KDM2A: variants seen among roughly 807,000 people sequenced by gnomAD.
KDM2A encodes the protein lysine-specific demethylase 2A.
In KDM2A, 3 loss-of-function variants were observed where a neutral mutation model predicts 137.3. The observed-to-expected ratio is 0.02, with a 90% CI of 0.01 to 0.06. KDM2A has a LOEUF of 0.06. Among genes scored for constraint, KDM2A ranks in the 10% least tolerant of loss-of-function variants. The pLI is 1.00. For missense variants in KDM2A, 738 were observed against 1,510.6 expected, an observed-to-expected ratio of 0.49 and a Z score of 8.48; for synonymous variants, 512 against 541.5, an observed-to-expected ratio of 0.95 and a Z score of 0.76.
At chr11:67,194,043 T>A (rs916729817) in intron 5 of KDM2A, among the ~76,000 whole-genome samples, 5 of 152,218 alleles carry the variant, frequency 3.3e-5, no homozygotes, top group Non-Finnish European at 5.9e-5. Context: ...AAAGTTATTT[T>A]TAAAATTTAA....
At chr11:67,218,655 A>AG (rs1256563054) in intron 9 of KDM2A, among the ~76,000 whole-genome samples, 1 of 151,930 alleles carries the variant, frequency 6.6e-6, no homozygotes, top group East Asian at 1.9e-4. Flanking sequence ...CTCAGGCTGG[A>AG]GTGCAGTAGC....
intron 10 of KDM2A, 169 bp downstream of exon 10, chr11:67,219,572 TA>T: frequency 2.6e-6 from 1 of 387,606 alleles, no homozygotes; most frequent in Non-Finnish European, 4.6e-6. Context: ...TTTTTTTTTT[TA>T]AGGCAGAATC....
At chr11:67,228,309 A>T in intron 11 of KDM2A, 146 bp downstream of exon 11, 2 of 806,510 alleles carry the variant, frequency 2.5e-6, no homozygotes, top group Non-Finnish European at 3.9e-6. Flanking sequence ...GGAATTGAAT[A>T]CCAGTTACCT....
At chr11:67,177,261 G>C (rs568826233) in intron 2 of KDM2A, among the ~76,000 whole-genome samples, 1 of 151,936 alleles carries the variant, frequency 6.6e-6, no homozygotes, top group African/African-American at 2.4e-5. Context: ...GCAAGACTCC[G>C]TCTCAAAAAA....
intron 6 of KDM2A, among the ~76,000 whole-genome samples, chr11:67,212,387 C>T (rs937600339): frequency 6.6e-6 from 1 of 152,086 alleles, no homozygotes; most frequent in Non-Finnish European, 1.5e-5. Context: ...AAGTAGAGTT[C>T]TATGGTGAGA....
At chr11:67,253,150 C>T (rs563681826) in intron 18 of KDM2A, among the ~76,000 whole-genome samples, 2 of 152,312 alleles carry the variant, frequency 1.3e-5, no homozygotes, top group Admixed American at 6.5e-5. Context: ...AAATTTGAGT[C>T]AGATGTTACT....
intron 2 of KDM2A, among the ~76,000 whole-genome samples, chr11:67,161,767 C>CT (rs1212192300): frequency 2.0e-5 from 3 of 152,024 alleles, no homozygotes; most frequent in Admixed American, 2.0e-4. Context: ...TATTATTTGT[C>CT]TTTTTTGCTC....
intron 17 of KDM2A, 29 bp from the exon 18 acceptor site, chr11:67,252,665 A>C (rs1313043194): frequency 6.2e-7 from 1 of 1,613,340 alleles, no homozygotes; most frequent in East Asian, 2.2e-5. Context: ...CAAGTTAATG[A>C]AGGCGAGTTC....
intron 2 of KDM2A, among the ~76,000 whole-genome samples, chr11:67,123,164 C>T (rs568969320): frequency 4.0e-5 from 6 of 150,576 alleles, no homozygotes; most frequent in South Asian, 4.2e-4. Flanking sequence ...TTCTTAGTGA[C>T]GGGGTCTTGC....
In KDM2A at chr11:67,245,315, G is replaced by A. The variant is rs1258210930; in HGVS notation, c.1690G>A (p.Ala564Thr). ...TGCTGCCTCCCCGATTGTGTCAGGA[G>A]CCAGACGGAGACGAGTGCGATGTCG... ...PAAASPIVSG[A>T]RRRRVRCRKC... The change falls in exon 14 of 21, where the codon GCC becomes ACC. Residue 564 changes from alanine (A) to threonine (T), a missense_variant. By Grantham distance (58) the Ala-to-Thr change is moderately conservative (BLOSUM62 0). This residue lies in a region of KDM2A where 71 missense variants were observed against 147.9 expected (regional missense o/e 0.48). Coordinates refer to ENST00000529006, the MANE Select transcript of KDM2A (RefSeq NM_012308.3). The surrounding 1 kb of genome is among the most constrained non-coding windows in gnomAD (Gnocchi z 4.1). 6.2e-7 allele frequency: 1 copy of A among 1,614,058 alleles called. No homozygotes were observed. The highest frequency in any genetic ancestry group is 8.5e-7 in the Non-Finnish European group (1 of 1,179,912).
intron 10 of KDM2A, among the ~76,000 whole-genome samples, chr11:67,223,005 C>G (rs1858415573): frequency 6.6e-6 from 1 of 151,504 alleles, no homozygotes; most frequent in African/African-American, 2.4e-5. Flanking sequence ...CCAGCGTGAG[C>G]AACATGAAGA....
chr11:67,182,530 CTTTTTT>C (rs11297347), intron 5 of KDM2A, among the ~76,000 whole-genome samples: 3 of 88,256 alleles, frequency 3.4e-5, no homozygotes, highest in African/African-American at 3.9e-5. Flanking sequence ...TTGAATAAGT[CTTTTTT>C]TTTTTTTTTT....
chr11:67,245,020 A>G lies in KDM2A; in HGVS notation c.1564-169A>G. 1.4e-6 allele frequency: 1 copy of G among 722,320 alleles called. No homozygotes were observed. Among genetic ancestry groups the G allele is most frequent in the East Asian group, 2.5e-5 (1 of 39,520 alleles). 44.7% of individuals were successfully genotyped at this position (722,320 alleles called of 1,614,324 possible). A position where few individuals can be genotyped will look rare whatever the true frequency, so the allele number is the denominator to read the frequency against. ...AAAAAAAAGCAGCCATTGATAATAC[A>G]TACACAAGATGAGTTGTGTGTCAAT... On this transcript the variant is annotated intron_variant, in intron 13 of 20. Transcript: ENST00000529006. This position sits in a 1 kb window ranked among gnomAD's most constrained non-coding sequence, Gnocchi z 4.1.
intron 2 of KDM2A, among the ~76,000 whole-genome samples, chr11:67,164,864 G>A (rs1197209236): frequency 1.3e-5 from 2 of 152,050 alleles, no homozygotes; most frequent in Non-Finnish European, 2.9e-5. Context: ...CTCCCAAAGT[G>A]CCGGGATTAC....
chr11:67,239,977 T>G (rs1393817807), intron 12 of KDM2A: 1 of 1,120,036 alleles, frequency 8.9e-7, no homozygotes, highest in Admixed American at 4.0e-5. Flanking sequence ...CTCCCGGCTC[T>G]GCAGCAGAAC....
At chr11:67,171,282 A>G (rs4930414) in intron 2 of KDM2A, among the ~76,000 whole-genome samples, 5,923 of 152,272 alleles carry the variant, frequency 0.039, 458 homozygotes, top group Admixed American at 0.18. Context: ...GTTCCTAGTC[A>G]GGACAGACGA....
chr11:67,211,587 C>A, intron 6 of KDM2A, among the ~76,000 whole-genome samples: 1 of 114,802 alleles, frequency 8.7e-6, no homozygotes, highest in Non-Finnish European at 1.7e-5. Flanking sequence ...GCACTCCAGC[C>A]TGGGTGACAC....
At chr11:67,214,119 G>C (rs1397930410) in intron 6 of KDM2A, among the ~76,000 whole-genome samples, 2 of 151,030 alleles carry the variant, frequency 1.3e-5, no homozygotes, top group African/African-American at 4.9e-5. Flanking sequence ...CGGCTCACCA[G>C]AACCTCCACC....
At chr11:67,134,297 G>C (rs1312918529) in intron 2 of KDM2A, among the ~76,000 whole-genome samples, 1 of 152,092 alleles carries the variant, frequency 6.6e-6, no homozygotes, top group Non-Finnish European at 1.5e-5. Flanking sequence ...TAGTGCTACT[G>C]GTATTTAATG....
Sources: allele counts gnomAD v4.1 joint callset (sites outside exome capture counted in the v4.1 genomes callset), GRCh38; gene constraint gnomAD v4.1.1; regional missense constraint gnomAD v4.1.1; non-coding constraint Gnocchi (gnomAD v3.1); transcripts MANE v1.5; gene names NCBI Gene and HGNC (gene_info 2026-07-23, HGNC 2026-07-21).